The following NAV3 variants were observed in gnomAD, a reference collection of about 807,000 sequenced individuals.
NAV3 encodes the protein pore membrane and/or filament interacting like protein 1.
NAV3 carries 87 observed loss-of-function variants against 244.7 expected under a neutral mutation model. The observed-to-expected ratio is 0.36, with a 90% CI of 0.30 to 0.42. The LOEUF (loss-of-function observed/expected upper bound fraction) is 0.42. NAV3 is among the 20% of genes least tolerant of loss of function. The probability of loss-of-function intolerance (pLI) is 1.00; values close to 1 mark genes in which losing one functional copy is unlikely to be tolerated. For missense variants in NAV3, 2,663 were observed against 2,893.3 expected (o/e 0.92, Z 1.83); for synonymous variants, 1,126 against 1,042.2 (o/e 1.08, Z -1.55).
chr12:78,137,124 A>G, intron 18 of NAV3, 53 bp from the exon 19 acceptor site: 2 of 1,494,252 alleles, frequency 1.3e-6, no homozygotes, highest in Admixed American at 2.0e-5. Flanking sequence ...TCAACCTGCT[A>G]TTTTCATCTT....
rs111797274 is a variant in NAV3 at position 78,041,602 on chromosome 12, A to G, written c.2024-8391A>G. Among the ~76,000 whole-genome samples the G allele has an allele frequency of 6.3e-3, 955 of 152,302 alleles. 12 individuals are homozygous for G. The highest frequency in any genetic ancestry group is 0.022 in the African/African-American group (899 of 41,576). ...TTTTGACCTGCTACTGGAAGGAGCC[A>G]TCTCTTACTGGTGAGGTGGAGGCCT... On this transcript the variant is annotated intron_variant, in intron 9 of 39. Transcript: ENST00000397909.
At position 78,037,027 on chromosome 12, in the gene NAV3, C is replaced by T. The variant is rs1053721959; in HGVS notation, c.2024-12966C>T. 2.0e-5 allele frequency: 14 copies of T among 702,852 alleles called. No homozygotes were observed. The Admixed American group carries it at 2.2e-4, about 11-fold the overall frequency. The allele number at this position is 702,852 out of a possible 1,614,324, so 43.5% of individuals were successfully genotyped here. On this transcript the variant is annotated intron_variant, in intron 9 of 39. Coordinates refer to ENST00000397909, the MANE Select transcript of NAV3 (RefSeq NM_001024383.2). ...AACTGGTTTGGAAATGCTGCCAAGG[C>T]CAGCCAGAGAGAAGCCAACTATGCA... is the stretch of plus-strand genomic sequence containing the variant.
intron 2 of NAV3, among the ~76,000 whole-genome samples, chr12:77,747,359 T>C (rs948823303): frequency 6.6e-6 from 1 of 152,062 alleles, no homozygotes; most frequent in Non-Finnish European, 1.5e-5. Context: ...GTTAGAATGG[T>C]GATCATTAAA....
intron 1 of NAV3, among the ~76,000 whole-genome samples, chr12:77,908,994 G>A (rs1459424621): frequency 1.3e-5 from 2 of 151,998 alleles, no homozygotes; most frequent in Non-Finnish European, 2.9e-5. Flanking sequence ...GTTTCACCCT[G>A]CTCATGCTAC....
intron 25 of NAV3, among the ~76,000 whole-genome samples, chr12:78,175,767 A>G (rs1958195409): frequency 6.7e-6 from 1 of 148,390 alleles, no homozygotes; most frequent in South Asian, 2.1e-4. Context: ...GTATAACTAT[A>G]CAAACTATGT....
At chr12:77,925,128 G>T (rs1888068745) in intron 1 of NAV3, among the ~76,000 whole-genome samples, 1 of 152,046 alleles carries the variant, frequency 6.6e-6, no homozygotes, top group African/African-American at 2.4e-5. Flanking sequence ...AAAAAAACAA[G>T]ATTGACTTAT....
intron 5 of NAV3, among the ~76,000 whole-genome samples, chr12:77,990,803 C>G (rs1395822001): frequency 1.3e-5 from 2 of 151,892 alleles, no homozygotes; most frequent in Non-Finnish European, 1.5e-5. Context: ...TAGGTTTTCC[C>G]TTCATAATTT....
chr12:77,715,501 A>G (rs1241228741), intron 2 of NAV3, among the ~76,000 whole-genome samples: 1 of 151,952 alleles, frequency 6.6e-6, no homozygotes, highest in Non-Finnish European at 1.5e-5. Flanking sequence ...TTACAATATA[A>G]TTTTCAAAAT....
intron 18 of NAV3, among the ~76,000 whole-genome samples, chr12:78,132,432 A>G (rs528847426): frequency 1.3e-5 from 2 of 152,288 alleles, no homozygotes; most frequent in Admixed American, 6.5e-5. Flanking sequence ...GCTGTGTCAG[A>G]CAGGCCATGA....
intron 2 of NAV3, among the ~76,000 whole-genome samples, chr12:77,745,168 TG>T (rs1868472374): frequency 6.6e-6 from 1 of 152,086 alleles, no homozygotes; most frequent in Non-Finnish European, 1.5e-5. Flanking sequence ...CAGTAATTTT[TG>T]CTGGTTTTAA....
chr12:77,966,672 A>G (rs1892547878), intron 4 of NAV3, among the ~76,000 whole-genome samples: 1 of 152,072 alleles, frequency 6.6e-6, no homozygotes, highest in Non-Finnish European at 1.5e-5. Flanking sequence ...TAAGGCTTAA[A>G]ATATTATTTT....
chr12:77,708,578 T>C (rs1476634183), intron 2 of NAV3, among the ~76,000 whole-genome samples: 2 of 152,202 alleles, frequency 1.3e-5, no homozygotes, highest in African/African-American at 4.8e-5. Context: ...AAAGTAGTTT[T>C]TTTTCCAATT....
chr12:77,831,515 G>A lies in NAV3; in HGVS notation c.54G>A (p.Lys18=), dbSNP rs2136075261. Residue 18 remains lysine (K), a synonymous_variant, in exon 1 of 40, where the codon AAG becomes AAA. Coordinates refer to ENST00000397909, the MANE Select transcript of NAV3 (RefSeq NM_001024383.2). The part of the protein sequence containing the change: ...SKLRQPAVGS[K]PVHTALPIPN... ...TGAGGCAGCCAGCTGTTGGGTCAAA[G>A]CCTGTGCATACTGCTCTTCCGATAC... is the stretch of plus-strand genomic sequence containing the variant. 6.2e-7 allele frequency: 1 copy of A among 1,613,932 alleles called. No homozygotes were observed. Among genetic ancestry groups the A allele is most frequent in the Non-Finnish European group, 8.5e-7 (1 of 1,179,950 alleles).
intron 6 of NAV3, among the ~76,000 whole-genome samples, chr12:77,996,537 G>C (rs57210494): frequency 9.9e-5 from 15 of 152,180 alleles, no homozygotes; most frequent in Non-Finnish European, 1.8e-4. Context: ...GAAATCAACA[G>C]TTTTGTTTTT....
At chr12:77,972,475 G>T (rs1228099145) in intron 5 of NAV3, among the ~76,000 whole-genome samples, 1 of 151,924 alleles carries the variant, frequency 6.6e-6, no homozygotes. Flanking sequence ...GACTTTATGT[G>T]GGTAAAGATT....
chr12:77,855,369 C>T (rs935908274), intron 1 of NAV3, among the ~76,000 whole-genome samples: 6 of 152,074 alleles, frequency 3.9e-5, no homozygotes, highest in Non-Finnish European at 8.8e-5. Context: ...TGGCTTCCCA[C>T]TTAACATTGT....
At chr12:78,120,084 A>C in intron 15 of NAV3, 139 bp downstream of exon 15, 1 of 478,770 alleles carries the variant, frequency 2.1e-6, no homozygotes, top group Non-Finnish European at 3.2e-6. Flanking sequence ...TTTAAAGTAC[A>C]CAGTGAGCTC....
chr12:78,003,724 G>A (rs1255735888), intron 7 of NAV3, among the ~76,000 whole-genome samples: 1 of 152,118 alleles, frequency 6.6e-6, no homozygotes, highest in Non-Finnish European at 1.5e-5. Context: ...TTAGAACTTG[G>A]TTGGCATTGT....
chr12:77,729,785 A>G (rs1166605990), intron 2 of NAV3, among the ~76,000 whole-genome samples: 1 of 151,960 alleles, frequency 6.6e-6, no homozygotes, highest in African/African-American at 2.4e-5. Context: ...TATTGGTAAA[A>G]TTAAATCAGA....
Sources: gnomAD v4.1 joint callset for allele counts (sites outside exome capture counted in the v4.1 genomes callset) on GRCh38, gnomAD v4.1.1 for gene constraint, MANE v1.5 for transcripts, NCBI Gene and HGNC (gene_info 2026-07-23, HGNC 2026-07-21) for gene names.